The following EYA3 variants were observed in gnomAD, a reference collection of about 807,000 sequenced individuals.
EYA3 encodes the protein protein phosphatase EYA3.
Under a neutral mutation model 80.0 loss-of-function variants are expected in EYA3, and 39 were observed. That is an observed-to-expected ratio of 0.49 (90% CI 0.38 to 0.64). EYA3 has a LOEUF of 0.64. Ranked by LOEUF, EYA3 falls within the 30% of genes least tolerant of loss-of-function variation. The pLI is 0.00. For missense variants in EYA3, 523 were observed against 676.1 expected, an observed-to-expected ratio of 0.77 and a Z score of 2.51; for synonymous variants, 206 against 232.8, an observed-to-expected ratio of 0.88 and a Z score of 1.05.
rs1209837062 is a variant in EYA3, at chr1:28,009,024, C to A, written c.909+1923G>T. 2.0e-5 allele frequency among the ~76,000 whole-genome samples: 3 copies of A among 152,174 alleles called. No individual in the cohort carries two copies. The highest frequency in any genetic ancestry group is 7.2e-5 in the African/African-American group (3 of 41,432). The stretch of plus-strand genomic sequence containing the variant: ...TGGCGAGGATGTGAACAAACTGGAA[C>A]CTTTATGTATCGCTGGTAAGAGTAT... On this transcript the variant is annotated intron_variant, in intron 10 of 17. Coordinates refer to ENST00000373871, the MANE Select transcript of EYA3 (RefSeq NM_001990.4). This position sits in a 1 kb window ranked among gnomAD's most constrained non-coding sequence, Gnocchi z 4.8.
chr1:28,021,896 C>T (rs1462180725), intron 7 of EYA3, among the ~76,000 whole-genome samples: 6 of 152,176 alleles, frequency 3.9e-5, no homozygotes, highest in Non-Finnish European at 7.4e-5. Context: ...TGAGCCACCG[C>T]GCCCAGCCTA....
chr1:28,013,870 C>T lies in EYA3; in HGVS notation c.586-576G>A, dbSNP rs1348807766. ...TTGAGGTCAGGAGTTCAAGACCAGC[C>T]TGACCAACATGGTGAAACCCTGTTT... is the stretch of plus-strand genomic sequence containing the variant. On this transcript the variant is annotated intron_variant, in intron 8 of 17. Coordinates refer to ENST00000373871, the MANE Select transcript of EYA3 (RefSeq NM_001990.4). This position sits in a 1 kb window ranked among gnomAD's most constrained non-coding sequence, Gnocchi z 4.0. Among the ~76,000 whole-genome samples the T allele has an allele frequency of 2.6e-5, 4 of 152,156 alleles. No homozygotes were observed. Among genetic ancestry groups the T allele is most frequent in the Non-Finnish European group, 5.9e-5 (4 of 68,032 alleles).
chr1:28,013,662 T>C lies in EYA3; in HGVS notation c.586-368A>G, dbSNP rs1374435231. ...GGGAAAGATTCTACTCTAAGAGGTT[T>C]ACAAACTGTTGCACTAGATAATAGC... On this transcript the variant is annotated intron_variant, in intron 8 of 17. Coordinates refer to ENST00000373871, the MANE Select transcript of EYA3 (RefSeq NM_001990.4). This position sits in a 1 kb window ranked among gnomAD's most constrained non-coding sequence, Gnocchi z 4.0. Among the ~76,000 whole-genome samples the C allele has an allele frequency of 6.6e-6, 1 of 152,228 alleles. No individual in the cohort carries two copies. Among genetic ancestry groups the C allele is most frequent in the East Asian group, 1.9e-4 (1 of 5,204 alleles).
At chr1:28,060,857 T>C (rs959701746) in intron 1 of EYA3, among the ~76,000 whole-genome samples, 2 of 151,964 alleles carry the variant, frequency 1.3e-5, no homozygotes, top group East Asian at 1.9e-4. Context: ...CTACTAAAAA[T>C]ACAAAAATTA....
chr1:27,992,005 C>T (rs868465955), intron 14 of EYA3, among the ~76,000 whole-genome samples: 2 of 152,008 alleles, frequency 1.3e-5, no homozygotes, highest in Non-Finnish European at 2.9e-5. Context: ...AAGAAATAAG[C>T]AACAAAAAGG....
At chr1:28,058,147 T>C (rs1485422960) in intron 1 of EYA3, 53 bp from the exon 2 acceptor site, 6 of 665,084 alleles carry the variant, frequency 9.0e-6, no homozygotes, top group South Asian at 3.6e-5. Context: ...AGTATTATCA[T>C]TGAGGCCATC....
chr1:28,065,641 T>C (rs918690841), intron 1 of EYA3, among the ~76,000 whole-genome samples: 6 of 152,138 alleles, frequency 3.9e-5, no homozygotes, highest in African/African-American at 1.4e-4. Flanking sequence ...TTTCACTTAA[T>C]GCACTTCTCT....
chr1:27,994,966 GAAAA>G (rs201713936), intron 13 of EYA3, among the ~76,000 whole-genome samples: 1 of 118,942 alleles, frequency 8.4e-6, no homozygotes, highest in Non-Finnish European at 1.8e-5. Context: ...CGTCTCTTTG[GAAAA>G]AAAAAAAAAA....
intron 4 of EYA3, among the ~76,000 whole-genome samples, chr1:28,039,491 G>A (rs1643651959): frequency 6.6e-6 from 1 of 152,138 alleles, no homozygotes; most frequent in Admixed American, 6.6e-5. Flanking sequence ...CAGACGTGAG[G>A]AACTGATGTG....
chr1:27,989,560 A>T, intron 15 of EYA3, 137 bp downstream of exon 15: 1 of 463,912 alleles, frequency 2.2e-6, no homozygotes, highest in Non-Finnish European at 3.9e-6. Context: ...TTCTCACCTA[A>T]CACAAATACT....
At chr1:28,007,040 A>T (rs1247287145) in intron 10 of EYA3, among the ~76,000 whole-genome samples, 1 of 146,938 alleles carries the variant, frequency 6.8e-6, no homozygotes, top group African/African-American at 2.5e-5. Context: ...TCCTAGGTTC[A>T]AGCGATTCTC....
intron 16 of EYA3, among the ~76,000 whole-genome samples, chr1:27,981,053 C>T (rs559893264): frequency 6.6e-6 from 1 of 151,900 alleles, no homozygotes; most frequent in Admixed American, 6.6e-5. Flanking sequence ...AAGAAAACCC[C>T]CCAAAACAAA....
At chr1:28,063,644 G>A (rs1003808063) in intron 1 of EYA3, among the ~76,000 whole-genome samples, 5 of 151,930 alleles carry the variant, frequency 3.3e-5, no homozygotes, top group East Asian at 1.9e-4. Context: ...CACCACATCC[G>A]GCCTAAAACC....
chr1:28,074,498 A>C (rs1365932615), intron 1 of EYA3, among the ~76,000 whole-genome samples: 1 of 149,366 alleles, frequency 6.7e-6, no homozygotes, highest in East Asian at 2.0e-4. Flanking sequence ...GGTTTTCTTT[A>C]GTTCTTTGAA....
intron 12 of EYA3, among the ~76,000 whole-genome samples, chr1:27,999,499 A>C (rs1640679287): frequency 6.6e-6 from 1 of 152,236 alleles, no homozygotes; most frequent in African/African-American, 2.4e-5. Context: ...AATATGTATA[A>C]AATATGATGG....
intron 3 of EYA3, 118 bp from the exon 4 acceptor site, chr1:28,042,768 G>A (rs2476547): frequency 0.6 from 459,664 of 763,120 alleles, 140,502 homozygotes; most frequent in African/African-American, 0.78. Flanking sequence ...GTAAATCTTC[G>A]TGATATCCTT....
At chr1:28,012,436 T>C (rs1641756833) in intron 9 of EYA3, among the ~76,000 whole-genome samples, 1 of 152,234 alleles carries the variant, frequency 6.6e-6, no homozygotes, top group South Asian at 2.1e-4. Context: ...ACTTGTTATA[T>C]AGTACTGTTT....
chr1:28,060,405 GAAAA>G (rs890569359), intron 1 of EYA3, among the ~76,000 whole-genome samples: 2 of 151,920 alleles, frequency 1.3e-5, no homozygotes, highest in Non-Finnish European at 2.9e-5. Context: ...CATTTTAAAA[GAAAA>G]AACATAGAAA....
At chr1:28,074,513 C>CTTT (rs34650238) in intron 1 of EYA3, among the ~76,000 whole-genome samples, 2 of 139,934 alleles carry the variant, frequency 1.4e-5, no homozygotes, top group African/African-American at 5.3e-5. Flanking sequence ...TTTGAACTTT[C>CTTT]TTTTTTTTTT....
Sources: gnomAD v4.1 joint callset for allele counts (sites outside exome capture counted in the v4.1 genomes callset) on GRCh38, gnomAD v4.1.1 for gene constraint, Gnocchi (gnomAD v3.1) non-coding constraint, MANE v1.5 for transcripts, NCBI Gene and HGNC (gene_info 2026-07-23, HGNC 2026-07-21) for gene names.